The following IQGAP1 variants were observed in gnomAD, a reference collection of about 807,000 sequenced individuals.
IQGAP1 encodes the protein IQ motif containing GTPase activating protein 1, also known as ras GTPase-activating-like protein IQGAP1.
A neutral mutation model predicts 215.6 loss-of-function variants in IQGAP1; 66 were observed. The ratio of observed to expected loss-of-function variants is 0.31; its 90% confidence interval spans 0.25 to 0.38. The LOEUF (loss-of-function observed/expected upper bound fraction) is 0.38, where lower values mean the gene tolerates loss of function less well. Among genes scored for constraint, IQGAP1 ranks in the 10% least tolerant of loss-of-function variants. The pLI is 1.00. For missense variants in IQGAP1, 1,712 were observed against 1,997.1 expected (o/e 0.86, Z 2.72); for synonymous variants, 772 against 728.7 (o/e 1.06, Z -0.96).
At position 90,474,101 on chromosome 15, in the gene IQGAP1, C is replaced by T. The variant is rs1596284901; in HGVS notation, c.2543C>T (p.Ala848Val). 6.2e-7 allele frequency: 1 copy of T among 1,613,214 alleles called. No individual in the cohort carries two copies. Among genetic ancestry groups the T allele is most frequent in the East Asian group, 2.2e-5 (1 of 44,860 alleles). Residue 848 changes from alanine to valine, a missense_variant, in exon 22 of 38, where the codon GCA becomes GTA. Around this residue, in one of 2 missense-constraint regions of IQGAP1, gnomAD observed 1,021 missense variants for 1,074.2 expected, o/e 0.95. Coordinates refer to ENST00000268182, the MANE Select transcript of IQGAP1 (RefSeq NM_003870.4). Reference protein sequence around the residue: ...DIIKIQAFIRANKARDDYKTL... With the variant: ...DIIKIQAFIRVNKARDDYKTL... ...ATCAAAATCCAGGCTTTTATTCGGGCAAACAAAGCTCGGGATGACTACAAG... is the reference window on the plus strand; with the variant it reads ...ATCAAAATCCAGGCTTTTATTCGGGTAAACAAAGCTCGGGATGACTACAAG...
chr15:90,453,877 T>G (rs1439751037), intron 13 of IQGAP1, among the ~76,000 whole-genome samples: 1 of 152,194 alleles, frequency 6.6e-6, no homozygotes, highest in Non-Finnish European at 1.5e-5. Context: ...CTCATATCAA[T>G]AGGCATATAA....
chr15:90,412,681 A>G (rs543735872), intron 2 of IQGAP1, among the ~76,000 whole-genome samples: 10 of 152,286 alleles, frequency 6.6e-5, no homozygotes, highest in Non-Finnish European at 1.2e-4. Context: ...GCTGTTTCCA[A>G]TGCCTAGGTG....
At chr15:90,465,339 T>C (rs1965815307) in intron 15 of IQGAP1, among the ~76,000 whole-genome samples, 2 of 152,212 alleles carry the variant, frequency 1.3e-5, no homozygotes, top group Non-Finnish European at 1.5e-5. Flanking sequence ...AAGTACTGCA[T>C]ATTCATATAT....
chr15:90,397,437 C>T (rs561471420), intron 2 of IQGAP1, among the ~76,000 whole-genome samples: 21 of 151,298 alleles, frequency 1.4e-4, no homozygotes, highest in African/African-American at 5.1e-4. Flanking sequence ...AGAATGGGAA[C>T]GCTATGCATC....
At chr15:90,498,851 C>T (rs1966306485) in intron 37 of IQGAP1, among the ~76,000 whole-genome samples, 1 of 149,830 alleles carries the variant, frequency 6.7e-6, no homozygotes, top group African/African-American at 2.5e-5. Context: ...CTCTTATTGC[C>T]CAAGCTGCAG....
chr15:90,499,058 C>T (rs1471448268), intron 37 of IQGAP1, among the ~76,000 whole-genome samples: 2 of 152,100 alleles, frequency 1.3e-5, no homozygotes, highest in African/African-American at 4.8e-5. Context: ...CTTCGTGATC[C>T]GCCTGCCTCG....
intron 35 of IQGAP1, chr15:90,494,158 G>T (rs553155550): frequency 6.6e-6 from 1 of 152,278 alleles, no homozygotes; most frequent in Non-Finnish European, 1.5e-5. Context: ...ATAACCTCTT[G>T]TACATATGTC....
intron 26 of IQGAP1, among the ~76,000 whole-genome samples, chr15:90,481,524 T>C (rs1314730652): frequency 6.6e-6 from 1 of 152,140 alleles, no homozygotes. Context: ...TAGAAGACTC[T>C]TCCTCTCCTT....
chr15:90,422,640 G>A (rs185890651), intron 2 of IQGAP1, among the ~76,000 whole-genome samples: 2,680 of 60,598 alleles, frequency 0.044, 142 homozygotes, highest in East Asian at 0.12. Context: ...ATATATATAT[G>A]TATATGTATA....
At chr15:90,388,482 G>T (rs1964583807) in intron 1 of IQGAP1, 86 bp downstream of exon 1, 3 of 1,206,308 alleles carry the variant, frequency 2.5e-6, no homozygotes, top group Admixed American at 6.1e-5. Flanking sequence ...CGGCCGGGCG[G>T]GTGGGGCAGG....
intron 2 of IQGAP1, among the ~76,000 whole-genome samples, chr15:90,400,567 G>T (rs1964790781): frequency 6.6e-6 from 1 of 152,166 alleles, no homozygotes; most frequent in Non-Finnish European, 1.5e-5. Flanking sequence ...TGTTGAAATA[G>T]ATGTGGCCAT....
intron 26 of IQGAP1, among the ~76,000 whole-genome samples, chr15:90,478,903 C>T (rs10083670): frequency 0.19 from 28,717 of 152,016 alleles, 2,804 homozygotes; most frequent in South Asian, 0.23. Flanking sequence ...TGAGCTAGGG[C>T]CATAGCGTAA....
chr15:90,439,834 C>T (rs1965423917), intron 6 of IQGAP1, among the ~76,000 whole-genome samples: 1 of 151,896 alleles, frequency 6.6e-6, no homozygotes, highest in African/African-American at 2.4e-5. Flanking sequence ...AAAATTTAAG[C>T]TTATTTGGGT....
chr15:90,461,039 C>T (rs933986233), intron 15 of IQGAP1, among the ~76,000 whole-genome samples: 4 of 149,286 alleles, frequency 2.7e-5, no homozygotes, highest in South Asian at 2.1e-4. Context: ...GGGCGCAGTG[C>T]CTCATCCCTG....
chr15:90,396,889 G>C (rs567010876), intron 2 of IQGAP1, among the ~76,000 whole-genome samples: 1 of 151,260 alleles, frequency 6.6e-6, no homozygotes, highest in Non-Finnish European at 1.5e-5. Flanking sequence ...GTCTCGCTCT[G>C]TTGCCCAGGC....
In IQGAP1 at chr15:90,476,645, A is replaced by G. The variant is rs555403529; in HGVS notation, c.2785-18A>G. 131 of 1,554,284 alleles carry G rather than the reference A, an allele frequency of 8.4e-5. No homozygotes were observed. The highest frequency in any genetic ancestry group is 3.3e-4 in the South Asian group (27 of 81,576). ...TCTTTGAAAGCTTTCTGATCTATTT[A>G]TTGGTTTTTGTTTATAGGATGTGGT... On this transcript the variant is annotated intron_variant, in intron 23 of 37. Coordinates refer to ENST00000268182, the MANE Select transcript of IQGAP1 (RefSeq NM_003870.4).
chr15:90,422,644 ATGTATATATATATATG>A (rs1567120944), intron 2 of IQGAP1, among the ~76,000 whole-genome samples: 2,355 of 69,290 alleles, frequency 0.034, 135 homozygotes, highest in South Asian at 0.059. Context: ...ATATATGTAT[ATGTATATATATATATG>A]TATATATATA....
At chr15:90,493,388 T>A (rs1181447163) in intron 35 of IQGAP1, among the ~76,000 whole-genome samples, 1 of 152,166 alleles carries the variant, frequency 6.6e-6, no homozygotes, top group African/African-American at 2.4e-5. Context: ...AGGCTCTGAT[T>A]TTTTTTCCTG....
At chr15:90,448,297 C>T (rs1414172603) in intron 9 of IQGAP1, among the ~76,000 whole-genome samples, 13 of 152,132 alleles carry the variant, frequency 8.5e-5, no homozygotes. Flanking sequence ...CATATTGGTG[C>T]TGAGCTGTCT....
Sources: allele counts gnomAD v4.1 joint callset (sites outside exome capture counted in the v4.1 genomes callset), GRCh38; gene constraint gnomAD v4.1.1; regional missense constraint gnomAD v4.1.1; transcripts MANE v1.5; gene names NCBI Gene and HGNC (gene_info 2026-07-23, HGNC 2026-07-21).